Variants in ZCCHC2 observed in about 807,000 individuals in gnomAD.
ZCCHC2 encodes the protein zinc finger CCHC-type containing 2, also known as zinc finger CCHC domain-containing protein 2.
ZCCHC2 carries 39 observed loss-of-function variants against 103.6 expected under a neutral mutation model. The observed-to-expected ratio is 0.38, with a 90% CI of 0.29 to 0.49. The LOEUF (loss-of-function observed/expected upper bound fraction) is 0.49, where lower values mean the gene tolerates loss of function less well. Ranked by LOEUF, ZCCHC2 falls within the 20% of genes least tolerant of loss-of-function variation. The pLI, the probability that ZCCHC2 is intolerant of heterozygous loss-of-function variation, is 0.96. For missense variants in ZCCHC2, 1,483 were observed against 1,491.0 expected, an observed-to-expected ratio of 0.99 and a Z score of 0.09; for synonymous variants, 687 against 608.9, an observed-to-expected ratio of 1.13 and a Z score of -1.89.
Position 62,523,893 on chromosome 18 carries a change from G to T in ZCCHC2, c.469G>T (p.Asp157Tyr). 6.5e-7 allele frequency: 1 copy of T among 1,540,296 alleles called. No homozygotes were observed. The part of the protein sequence containing the change: ...DSEAKANGLS[D>Y]PGPLADFREP... ...GGAGGCCAAGGCCAACGGCCTCTCGGACCCGGGGCCGCTGGCCGACTTCCG... is the reference window on the plus strand; with the variant it reads ...GGAGGCCAAGGCCAACGGCCTCTCGTACCCGGGGCCGCTGGCCGACTTCCG... The change falls in exon 1 of 14, where the codon GAC becomes TAC. Residue 157 changes from aspartate (D) to tyrosine (Y), a missense_variant. Asp to Tyr is a radical substitution (Grantham distance 160, BLOSUM62 -3). Coordinates refer to ENST00000269499, the MANE Select transcript of ZCCHC2 (RefSeq NM_017742.6).
chr18:62,565,447 G>T (rs1177465570), intron 11 of ZCCHC2, among the ~76,000 whole-genome samples: 1 of 152,160 alleles, frequency 6.6e-6, no homozygotes, highest in African/African-American at 2.4e-5. Context: ...GGCCGCTCAT[G>T]AGAGTGTTTT....
chr18:62,573,892 C>A (rs1916690189), intron 12 of ZCCHC2, among the ~76,000 whole-genome samples, 165 bp from the exon 13 acceptor site: 1 of 151,950 alleles, frequency 6.6e-6, no homozygotes, highest in Non-Finnish European at 1.5e-5. Context: ...TAATATCGAC[C>A]CATAGAAAGC....
chr18:62,566,525 A>G (rs1262527034), intron 11 of ZCCHC2, among the ~76,000 whole-genome samples: 1 of 152,126 alleles, frequency 6.6e-6, no homozygotes, highest in Admixed American at 6.5e-5. Flanking sequence ...CATTTTCCAT[A>G]CTGCTGCCGT....
At position 62,560,706 on chromosome 18, in the gene ZCCHC2, T is replaced by G. The variant is rs527867778; in HGVS notation, c.1550+62T>G. ...TATGTTTTAAAATCAATGTAACATT[T>G]AATTAAATTTCTGATGTATTTGGCT... On this transcript the variant is annotated intron_variant, in intron 8 of 13. Coordinates refer to ENST00000269499, the MANE Select transcript of ZCCHC2 (RefSeq NM_017742.6). 16 of 1,295,566 alleles carry G rather than the reference T, an allele frequency of 1.2e-5. No individual in the cohort carries two copies. In the East Asian group the frequency reaches 3.7e-4, roughly 30 times the overall value. 80.3% of individuals were successfully genotyped at this position (1,295,566 alleles called of 1,614,324 possible).
At chr18:62,572,016 GA>G (rs1425618930) in intron 12 of ZCCHC2, among the ~76,000 whole-genome samples, 1 of 151,834 alleles carries the variant, frequency 6.6e-6, no homozygotes, top group Non-Finnish European at 1.5e-5. Context: ...CCTTGTGAAA[GA>G]AAAAAAATGA....
At chr18:62,564,805 T>C (rs1046157937) in intron 10 of ZCCHC2, among the ~76,000 whole-genome samples, 170 bp downstream of exon 10, 6 of 140,092 alleles carry the variant, frequency 4.3e-5, no homozygotes, top group Non-Finnish European at 9.7e-5. Flanking sequence ...AAAATAAAGC[T>C]ACTGTCAAAT....
intron 1 of ZCCHC2, 126 bp downstream of exon 1, chr18:62,524,489 G>C: frequency 7.3e-7 from 1 of 1,361,664 alleles, no homozygotes; most frequent in Non-Finnish European, 9.5e-7. Context: ...ATCCCCACCC[G>C]GCAGCTCCCA....
chr18:62,539,323 G>A (rs978761667), intron 1 of ZCCHC2, among the ~76,000 whole-genome samples: 1 of 152,148 alleles, frequency 6.6e-6, no homozygotes, highest in African/African-American at 2.4e-5. Flanking sequence ...AATAAAAATG[G>A]TGTAGTGATT....
chr18:62,565,186 C>A, intron 11 of ZCCHC2, 90 bp downstream of exon 11: 1 of 952,928 alleles, frequency 1.0e-6, no homozygotes, highest in Non-Finnish European at 1.6e-6. Context: ...GCTGTTGTGT[C>A]AAATCCTAAT....
chr18:62,529,475 TTACA>T (rs1285229743), intron 1 of ZCCHC2, among the ~76,000 whole-genome samples: 5 of 152,316 alleles, frequency 3.3e-5, no homozygotes, highest in African/African-American at 1.2e-4. Flanking sequence ...GCACAGCATC[TTACA>T]TACTGAGAAT....
intron 1 of ZCCHC2, among the ~76,000 whole-genome samples, chr18:62,535,654 C>G: frequency 6.6e-6 from 1 of 152,164 alleles, no homozygotes; most frequent in East Asian, 1.9e-4. Flanking sequence ...GACTCCAAGC[C>G]CAAGTGTCCA....
chr18:62,539,906 T>C (rs1252408929), intron 2 of ZCCHC2, 114 bp downstream of exon 2: 1 of 823,478 alleles, frequency 1.2e-6, no homozygotes, highest in Non-Finnish European at 1.9e-6. Flanking sequence ...GGAGAAGTCC[T>C]ACTGGTCCTA....
intron 1 of ZCCHC2, among the ~76,000 whole-genome samples, chr18:62,528,634 G>A (rs1009896418): frequency 2.5e-4 from 38 of 151,714 alleles, no homozygotes; most frequent in African/African-American, 8.2e-4. Flanking sequence ...TTTTCATAGC[G>A]TAGTTTAGTT....
chr18:62,558,619 AATT>A (rs1598952967), intron 6 of ZCCHC2, 65 bp from the exon 7 acceptor site: 10 of 977,646 alleles, frequency 1.0e-5, no homozygotes. Flanking sequence ...GTAAAAAAAC[AATT>A]ATTATATTTG....
intron 4 of ZCCHC2, among the ~76,000 whole-genome samples, chr18:62,547,475 C>CT (rs1303970614): frequency 6.6e-6 from 1 of 151,848 alleles, no homozygotes; most frequent in African/African-American, 2.4e-5. Context: ...ATTTCAAGTC[C>CT]TTTTTTCCCA....
At chr18:62,561,672 T>C (rs757561528) in intron 8 of ZCCHC2, among the ~76,000 whole-genome samples, 1 of 152,232 alleles carries the variant, frequency 6.6e-6, no homozygotes, top group Non-Finnish European at 1.5e-5. Flanking sequence ...AAATAAACTC[T>C]GTTATGCTGG....
intron 4 of ZCCHC2, among the ~76,000 whole-genome samples, chr18:62,545,098 A>G (rs1331225827): frequency 6.6e-6 from 1 of 152,194 alleles, no homozygotes; most frequent in African/African-American, 2.4e-5. Context: ...ATTTAAAAAA[A>G]ATGGAGACCG....
intron 12 of ZCCHC2, among the ~76,000 whole-genome samples, chr18:62,572,069 G>A (rs1320373455): frequency 6.6e-6 from 1 of 152,074 alleles, no homozygotes; most frequent in Admixed American, 6.5e-5. Context: ...TAAATGAGAG[G>A]ATTTTTTTCG....
intron 12 of ZCCHC2, 30 bp downstream of exon 12, chr18:62,570,261 G>T: frequency 1.2e-6 from 2 of 1,606,292 alleles, no homozygotes; most frequent in Non-Finnish European, 8.5e-7. Context: ...AGTATTGTTG[G>T]CATGGCAGGG....
Sources: gnomAD v4.1 joint callset for allele counts (sites outside exome capture counted in the v4.1 genomes callset) on GRCh38, gnomAD v4.1.1 for gene constraint, MANE v1.5 for transcripts, NCBI Gene and HGNC (gene_info 2026-07-23, HGNC 2026-07-21) for gene names.